GPHN: variants seen among roughly 807,000 people sequenced by gnomAD.
GPHN encodes gephyrin.
A neutral mutation model predicts 95.5 loss-of-function variants in GPHN; 17 were observed. That is an observed-to-expected ratio of 0.18 (90% CI 0.12 to 0.27). GPHN has a LOEUF of 0.27. Ranked by LOEUF, GPHN falls within the 10% of genes least tolerant of loss-of-function variation. The pLI, the probability that GPHN is intolerant of heterozygous loss-of-function variation, is 1.00. For synonymous variants in GPHN, 320 were observed against 322.5 expected (o/e 0.99, Z 0.08); for missense variants, 660 against 978.1 (o/e 0.67, Z 4.34).
chr14:67,366,316 C>T, the GPHN span, among the ~76,000 whole-genome samples: 3 of 152,164 alleles, frequency 2.0e-5, no homozygotes, highest in Non-Finnish European at 2.9e-5. Flanking sequence ...AAGCGATTCT[C>T]CTGCCTTGGC....
the GPHN span, chr14:67,359,667 G>A: frequency 3.1e-6 from 5 of 1,614,024 alleles, no homozygotes; most frequent in South Asian, 3.3e-5. Context: ...CATTCGCGAG[G>A]GAAAGATTTC....
the GPHN span, among the ~76,000 whole-genome samples, chr14:67,622,621 A>C: frequency 6.6e-6 from 1 of 152,360 alleles, no homozygotes; most frequent in Admixed American, 6.5e-5. Flanking sequence ...TCCCGCCCAT[A>C]AATGAGCATA....
chr14:67,047,334 T>TG (rs2075075353), intron 10 of GPHN, among the ~76,000 whole-genome samples: 51 of 109,698 alleles, frequency 4.6e-4, no homozygotes, highest in African/African-American at 1.6e-3. Context: ...GTGTGTGTGT[T>TG]TGTGTGTGTG....
chr14:66,645,581 A>G (rs1483352326), intron 1 of GPHN, among the ~76,000 whole-genome samples: 2 of 151,620 alleles, frequency 1.3e-5, no homozygotes, highest in African/African-American at 4.8e-5. Context: ...AATCCCAGCT[A>G]CTTGAGAGGC....
the GPHN span, chr14:67,690,133 T>C: frequency 2.3e-6 from 3 of 1,326,698 alleles, no homozygotes; most frequent in East Asian, 2.3e-5. Context: ...TGATGGGCTC[T>C]GGAAACAGTT....
At chr14:67,039,941 A>G (rs2074615253) in intron 10 of GPHN, among the ~76,000 whole-genome samples, 1 of 152,164 alleles carries the variant, frequency 6.6e-6, no homozygotes, top group Non-Finnish European at 1.5e-5. Flanking sequence ...TGTGCATAAC[A>G]TCTTTGGACC....
intron 8 of GPHN, among the ~76,000 whole-genome samples, chr14:66,954,499 A>G (rs1037737470): frequency 6.6e-6 from 1 of 152,150 alleles, no homozygotes; most frequent in Non-Finnish European, 1.5e-5. Context: ...ACTTCGCTAA[A>G]TTTGTTTATT....
At chr14:66,606,207 T>C (rs533624430) in intron 1 of GPHN, among the ~76,000 whole-genome samples, 1 of 152,326 alleles carries the variant, frequency 6.6e-6, no homozygotes, top group South Asian at 2.1e-4. Context: ...TTCTTCTGCA[T>C]GTGGCTAGAC....
chr14:67,308,299 G>GA, the GPHN span, among the ~76,000 whole-genome samples: 1 of 145,768 alleles, frequency 6.9e-6, no homozygotes, highest in African/African-American at 2.5e-5. Flanking sequence ...ATAGAAAAGG[G>GA]AAAAACCAAA....
At chr14:66,826,833 A>G (rs948470791) in intron 4 of GPHN, among the ~76,000 whole-genome samples, 1 of 152,120 alleles carries the variant, frequency 6.6e-6, no homozygotes, top group Non-Finnish European at 1.5e-5. Context: ...AAGATATTTT[A>G]TGGAGCTCAG....
the GPHN span, among the ~76,000 whole-genome samples, chr14:67,545,336 G>A: frequency 2.6e-5 from 4 of 152,122 alleles, no homozygotes; most frequent in South Asian, 2.1e-4. Context: ...ATAACTATGC[G>A]CTCAGCTAAA....
At chr14:67,586,346 T>C in the GPHN span, 1 of 1,439,590 alleles carries the variant, frequency 6.9e-7, no homozygotes, top group East Asian at 2.9e-5. Context: ...GCTCTTCACT[T>C]TTTCTTTTTT....
chr14:67,709,497 C>T, the GPHN span, among the ~76,000 whole-genome samples: 1 of 152,114 alleles, frequency 6.6e-6, no homozygotes, highest in African/African-American at 2.4e-5. Flanking sequence ...ACACAGGGGC[C>T]CATATGCTGG....
At chr14:67,086,737 C>T (rs1567310652) in intron 11 of GPHN, among the ~76,000 whole-genome samples, 1 of 150,402 alleles carries the variant, frequency 6.6e-6, no homozygotes, top group Non-Finnish European at 1.5e-5. Flanking sequence ...TAAGTACTTA[C>T]TGTATTTAAA....
intron 11 of GPHN, among the ~76,000 whole-genome samples, chr14:67,083,230 C>T (rs948584788): frequency 7.1e-6 from 1 of 141,672 alleles, no homozygotes; most frequent in African/African-American, 2.7e-5. Context: ...TGGATCTATG[C>T]CCCCCCCCCT....
chr14:67,040,611 C>T (rs1467318331), intron 10 of GPHN, among the ~76,000 whole-genome samples: 1 of 152,144 alleles, frequency 6.6e-6, no homozygotes, highest in Non-Finnish European at 1.5e-5. Context: ...TATCCTGTCT[C>T]TGTAGACTCC....
chr14:66,537,858 C>T (rs1054179852), intron 1 of GPHN, among the ~76,000 whole-genome samples: 3 of 152,144 alleles, frequency 2.0e-5, no homozygotes, highest in East Asian at 1.9e-4. Context: ...GACAGGGTCT[C>T]GCTCTGTTAC....
the GPHN span, among the ~76,000 whole-genome samples, chr14:67,440,893 G>T: frequency 6.6e-6 from 1 of 152,110 alleles, no homozygotes; most frequent in South Asian, 2.1e-4. Flanking sequence ...GCAAGAGAAG[G>T]CAGGGAAAGA....
the GPHN span, among the ~76,000 whole-genome samples, chr14:67,639,213 C>T: frequency 6.6e-6 from 1 of 152,138 alleles, no homozygotes; most frequent in African/African-American, 2.4e-5. Flanking sequence ...CAAGTGAGTA[C>T]TGTTTTCTGT....
Sources: allele counts gnomAD v4.1 joint callset (sites outside exome capture counted in the v4.1 genomes callset), GRCh38; gene constraint gnomAD v4.1.1; transcripts MANE v1.5; gene names NCBI Gene and HGNC (gene_info 2026-07-23, HGNC 2026-07-21).